DCAF6: variants seen among roughly 807,000 people sequenced by gnomAD.
The protein encoded by DCAF6 is DDB1 and CUL4 associated factor 6.
In DCAF6, 54 loss-of-function variants were observed where a neutral mutation model predicts 125.1. The observed-to-expected ratio is 0.43, with a 90% CI of 0.35 to 0.54. The LOEUF is 0.54. DCAF6 is among the 20% of genes least tolerant of loss of function. The pLI, the probability that DCAF6 is intolerant of heterozygous loss-of-function variation, is 0.01. For missense variants in DCAF6, 934 were observed against 1,161.7 expected (o/e 0.80, Z 2.85); for synonymous variants, 371 against 390.4 (o/e 0.95, Z 0.58).
intron 12 of DCAF6, among the ~76,000 whole-genome samples, chr1:168,032,761 A>G (rs1202069159): frequency 6.6e-6 from 1 of 152,202 alleles, no homozygotes; most frequent in Admixed American, 6.5e-5. Context: ...TAGTTAATTA[A>G]TGTATGATTA....
chr1:167,977,582 A>AT (rs1293650042), intron 4 of DCAF6, among the ~76,000 whole-genome samples: 2 of 150,914 alleles, frequency 1.3e-5, no homozygotes, highest in African/African-American at 4.9e-5. Flanking sequence ...ATTGTTTTTT[A>AT]TTTTTTATAC....
the DCAF6 span, among the ~76,000 whole-genome samples, chr1:167,925,542 TTTG>T: frequency 6.9e-6 from 1 of 145,426 alleles, no homozygotes; most frequent in Non-Finnish European, 1.5e-5. Flanking sequence ...TGGTTTTTTT[TTTG>T]GTTTTTTTTG....
chr1:167,877,714 A>T, the DCAF6 span, among the ~76,000 whole-genome samples: 1 of 152,188 alleles, frequency 6.6e-6, no homozygotes, highest in Non-Finnish European at 1.5e-5. Context: ...AGGAAGAAGG[A>T]AGACAAAGGG....
intron 1 of DCAF6, among the ~76,000 whole-genome samples, chr1:167,940,134 C>T (rs1263823480): frequency 1.3e-5 from 2 of 152,172 alleles, no homozygotes; most frequent in Non-Finnish European, 2.9e-5. Context: ...TATCTCCTTT[C>T]TTCCCATCAA....
At chr1:168,027,583 C>G (rs1686504398) in intron 12 of DCAF6, among the ~76,000 whole-genome samples, 2 of 152,070 alleles carry the variant, frequency 1.3e-5, no homozygotes, top group South Asian at 4.1e-4. Flanking sequence ...GTTTATGTCA[C>G]AAAATATTTC....
At chr1:167,918,953 A>G in the DCAF6 span, among the ~76,000 whole-genome samples, 1 of 152,170 alleles carries the variant, frequency 6.6e-6, no homozygotes, top group Non-Finnish European at 1.5e-5. Flanking sequence ...TATTATTTTA[A>G]TAAAAATATT....
At chr1:167,912,790 T>A in the DCAF6 span, among the ~76,000 whole-genome samples, 2 of 152,226 alleles carry the variant, frequency 1.3e-5, no homozygotes, top group Non-Finnish European at 2.9e-5. Flanking sequence ...CCTCCACTCA[T>A]CGGAGCCGTA....
At chr1:168,075,319 T>C (rs929780112) in intron 21 of DCAF6, 52 bp from the exon 22 acceptor site, 8 of 1,497,154 alleles carry the variant, frequency 5.3e-6, no homozygotes, top group Middle Eastern at 1.9e-4. Context: ...ATATTAATAA[T>C]TGTAATTACT....
At chr1:167,993,176 TTTTC>T (rs1257100311) in intron 6 of DCAF6, 46 bp from the exon 7 acceptor site, 3 of 1,478,200 alleles carry the variant, frequency 2.0e-6, no homozygotes, top group Non-Finnish European at 2.8e-6. Context: ...TAAAAAATGT[TTTTC>T]TTTAAAACAT....
intron 4 of DCAF6, among the ~76,000 whole-genome samples, chr1:167,983,549 A>G (rs1237464148): frequency 6.6e-6 from 1 of 152,198 alleles, no homozygotes; most frequent in Non-Finnish European, 1.5e-5. Context: ...GGAAATTTAC[A>G]ACTCTGCCTT....
At chr1:167,880,241 C>T in the DCAF6 span, 16 of 1,496,124 alleles carry the variant, frequency 1.1e-5, no homozygotes, top group Admixed American at 5.3e-5. Context: ...AGATAATGAG[C>T]GTAGAGAAAG....
the DCAF6 span, among the ~76,000 whole-genome samples, chr1:167,907,506 T>C: frequency 1.3e-5 from 2 of 152,168 alleles, no homozygotes; most frequent in Non-Finnish European, 2.9e-5. Flanking sequence ...CTCATTCTAC[T>C]CCCAGAAGTG....
At chr1:168,008,092 C>T (rs1437080462) in intron 10 of DCAF6, among the ~76,000 whole-genome samples, 3 of 150,556 alleles carry the variant, frequency 2.0e-5, no homozygotes, top group Admixed American at 6.7e-5. Flanking sequence ...GCCTCAGCCT[C>T]CCAAGTAGCT....
chr1:168,065,300 A>G (rs1363150401), intron 18 of DCAF6, among the ~76,000 whole-genome samples: 1 of 152,004 alleles, frequency 6.6e-6, no homozygotes, highest in Non-Finnish European at 1.5e-5. Context: ...AAGAAGCTAG[A>G]AGACAGATTT....
At chr1:167,978,562 T>C (rs896996956) in intron 4 of DCAF6, among the ~76,000 whole-genome samples, 2 of 152,190 alleles carry the variant, frequency 1.3e-5, no homozygotes, top group African/African-American at 4.8e-5. Flanking sequence ...TTGTTTGTCT[T>C]ATTTTATTTT....
intron 1 of DCAF6, among the ~76,000 whole-genome samples, chr1:167,947,687 CT>C (rs1172825515): frequency 6.6e-6 from 1 of 151,990 alleles, no homozygotes; most frequent in Non-Finnish European, 1.5e-5. Context: ...TAAATTTTCT[CT>C]TGGTATTGAT....
chr1:167,916,679 G>T, the DCAF6 span: 2 of 152,178 alleles, frequency 1.3e-5, no homozygotes, highest in Non-Finnish European at 2.9e-5. Flanking sequence ...AGGGGCTTAG[G>T]AGACCCCGCA....
chr1:167,933,230 C>T (rs993788779), upstream of DCAF6, among the ~76,000 whole-genome samples: 4 of 150,648 alleles, frequency 2.7e-5, no homozygotes, highest in African/African-American at 9.8e-5. Context: ...TGCAATGGCA[C>T]GATCTTGGCT....
At chr1:167,939,203 A>G (rs1466593324) in intron 1 of DCAF6, among the ~76,000 whole-genome samples, 1 of 152,168 alleles carries the variant, frequency 6.6e-6, no homozygotes, top group East Asian at 1.9e-4. Flanking sequence ...GCATTCAGGA[A>G]GCAGCAAAAT....
Sources: allele counts gnomAD v4.1 joint callset (sites outside exome capture counted in the v4.1 genomes callset), GRCh38; gene constraint gnomAD v4.1.1; transcripts MANE v1.5; gene names NCBI Gene and HGNC (gene_info 2026-07-23, HGNC 2026-07-21).